Variants in ATRNL1 observed in about 807,000 individuals in gnomAD.
ATRNL1 encodes the protein attractin-like protein 1.
ATRNL1 carries 95 observed loss-of-function variants against 182.7 expected under a neutral mutation model. The observed-to-expected ratio is 0.52, with a 90% confidence interval of 0.44 to 0.62. The LOEUF (loss-of-function observed/expected upper bound fraction) is 0.62. ATRNL1 is among the 20% of genes least tolerant of loss of function. The pLI, the probability that ATRNL1 is intolerant of heterozygous loss-of-function variation, is 0.00. For synonymous variants in ATRNL1, 576 were observed against 568.3 expected (o/e 1.01, Z -0.19); for missense variants, 1,471 against 1,679.5 (o/e 0.88, Z 2.17).
At chr10:115,383,860 A>C (rs1858176301) in intron 19 of ATRNL1, among the ~76,000 whole-genome samples, 1 of 152,034 alleles carries the variant, frequency 6.6e-6, no homozygotes, top group Non-Finnish European at 1.5e-5. Flanking sequence ...TTCCAAATAC[A>C]GACTCAGAAA....
At chr10:115,750,628 G>GA (rs200461893) in intron 27 of ATRNL1, among the ~76,000 whole-genome samples, 3,643 of 150,098 alleles carry the variant, frequency 0.024, 69 homozygotes, top group Non-Finnish European at 0.037. Context: ...TGAAAATTTA[G>GA]AAAAAAAAAC....
intron 1 of ATRNL1, among the ~76,000 whole-genome samples, chr10:115,102,995 T>C (rs1033416393): frequency 6.6e-6 from 1 of 151,950 alleles, no homozygotes; most frequent in African/African-American, 2.4e-5. Context: ...TTTACAACAG[T>C]TTTTTGTAGT....
intron 18 of ATRNL1, among the ~76,000 whole-genome samples, chr10:115,328,559 C>T (rs1487254263): frequency 2.0e-5 from 3 of 152,052 alleles, no homozygotes; most frequent in African/African-American, 7.2e-5. Flanking sequence ...TATGCATTAA[C>T]CAACATGTCC....
chr10:115,690,855 G>T (rs1180726992), intron 26 of ATRNL1, among the ~76,000 whole-genome samples: 1 of 152,128 alleles, frequency 6.6e-6, no homozygotes, highest in African/African-American at 2.4e-5. Flanking sequence ...CTATGCTAGC[G>T]TCAGGGTTTC....
intron 10 of ATRNL1, among the ~76,000 whole-genome samples, chr10:115,254,018 C>A (rs1851002621): frequency 6.6e-6 from 1 of 152,178 alleles, no homozygotes; most frequent in Non-Finnish European, 1.5e-5. Flanking sequence ...GCCACATTTT[C>A]TTAATCCAGT....
chr10:115,630,431 C>T (rs1001178143), intron 26 of ATRNL1, among the ~76,000 whole-genome samples: 13 of 151,668 alleles, frequency 8.6e-5, no homozygotes, highest in Non-Finnish European at 1.9e-4. Flanking sequence ...ACAGGTACAG[C>T]TATTATAGAA....
intron 26 of ATRNL1, among the ~76,000 whole-genome samples, chr10:115,550,591 G>T (rs1852920084): frequency 6.6e-6 from 1 of 151,692 alleles, no homozygotes; most frequent in Non-Finnish European, 1.5e-5. Context: ...CTGATTTTCT[G>T]TTTATGGCCA....
chr10:115,348,052 C>A (rs2134114105), intron 19 of ATRNL1, among the ~76,000 whole-genome samples: 1 of 152,322 alleles, frequency 6.6e-6, no homozygotes, highest in Non-Finnish European at 1.5e-5. Context: ...CAGTTCACTG[C>A]AACCCCAGCC....
chr10:115,502,473 A>AT (rs1377981241), intron 24 of ATRNL1, among the ~76,000 whole-genome samples: 1 of 152,124 alleles, frequency 6.6e-6, no homozygotes, highest in Non-Finnish European at 1.5e-5. Context: ...AAAAACCCTT[A>AT]TTTTTTGAGA....
intron 26 of ATRNL1, among the ~76,000 whole-genome samples, chr10:115,590,256 T>A (rs1267780185): frequency 2.0e-5 from 3 of 152,194 alleles, no homozygotes; most frequent in African/African-American, 7.2e-5. Context: ...AGTAGGTTTA[T>A]TTAAGCACAT....
At chr10:115,516,830 AC>A (rs1554984000) in intron 24 of ATRNL1, among the ~76,000 whole-genome samples, 1 of 151,906 alleles carries the variant, frequency 6.6e-6, no homozygotes, top group Admixed American at 6.6e-5. Context: ...CTCATATATC[AC>A]CCCTTTAGTG....
At chr10:115,783,143 A>T (rs1169566547) in intron 27 of ATRNL1, among the ~76,000 whole-genome samples, 2 of 152,146 alleles carry the variant, frequency 1.3e-5, no homozygotes, top group South Asian at 2.1e-4. Context: ...TGCAGAGGTG[A>T]TGGTGAATTG....
chr10:115,304,805 A>AAG (rs1348501896), intron 17 of ATRNL1, among the ~76,000 whole-genome samples: 1 of 152,144 alleles, frequency 6.6e-6, no homozygotes, highest in Admixed American at 6.6e-5. Context: ...GGGCAAGGGC[A>AAG]AGAGGACAAA....
At chr10:115,175,301 A>G (rs1042211701) in intron 8 of ATRNL1, among the ~76,000 whole-genome samples, 23 of 152,038 alleles carry the variant, frequency 1.5e-4, no homozygotes, top group African/African-American at 5.6e-4. Flanking sequence ...GGAAAGTACT[A>G]TGGGTTTATT....
chr10:115,265,046 G>A, intron 10 of ATRNL1, 147 bp from the exon 11 acceptor site: 1 of 477,428 alleles, frequency 2.1e-6, no homozygotes, highest in South Asian at 3.7e-5. Context: ...ACACTAAATT[G>A]TAGGTCATGG....
At chr10:115,710,835 G>A (rs1555054315) in intron 26 of ATRNL1, among the ~76,000 whole-genome samples, 1 of 152,082 alleles carries the variant, frequency 6.6e-6, no homozygotes, top group Non-Finnish European at 1.5e-5. Flanking sequence ...TTCAGTTTAA[G>A]TAATGGTATT....
At chr10:115,625,693 G>T (rs1046100151) in intron 26 of ATRNL1, among the ~76,000 whole-genome samples, 2 of 152,058 alleles carry the variant, frequency 1.3e-5, no homozygotes, top group African/African-American at 4.8e-5. Flanking sequence ...TGAGTTCCTA[G>T]AACTCCATTC....
chr10:115,433,849 T>TA (rs1171540049), intron 21 of ATRNL1, among the ~76,000 whole-genome samples: 2 of 152,096 alleles, frequency 1.3e-5, no homozygotes, highest in Non-Finnish European at 2.9e-5. Context: ...AGACTCACTG[T>TA]AAAAAATAAT....
At chr10:115,700,693 G>A (rs1946706749) in intron 26 of ATRNL1, among the ~76,000 whole-genome samples, 2 of 151,906 alleles carry the variant, frequency 1.3e-5, no homozygotes, top group African/African-American at 4.8e-5. Context: ...ACCAATAACA[G>A]TAAAGAAGGA....
Sources: gnomAD v4.1 joint callset for allele counts (sites outside exome capture counted in the v4.1 genomes callset) on GRCh38, gnomAD v4.1.1 for gene constraint, MANE v1.5 for transcripts, NCBI Gene and HGNC (gene_info 2026-07-23, HGNC 2026-07-21) for gene names.